Variants in DNMT3B observed in about 807,000 individuals in gnomAD.
The protein encoded by DNMT3B is DNA (cytosine-5)-methyltransferase 3B.
A neutral mutation model predicts 120.2 loss-of-function variants in DNMT3B; 37 were observed. The ratio of observed to expected loss-of-function variants is 0.31; its 90% CI spans 0.24 to 0.40. DNMT3B has a LOEUF of 0.40. Among genes scored for constraint, DNMT3B ranks in the 10% least tolerant of loss-of-function variants. The pLI, the probability that DNMT3B is intolerant of heterozygous loss-of-function variation, is 1.00. For missense variants in DNMT3B, 878 were observed against 1,137.3 expected (o/e 0.77, Z 3.28); for synonymous variants, 412 against 442.8 (o/e 0.93, Z 0.87).
intron 8 of DNMT3B, 117 bp downstream of exon 8, chr20:32,791,825 G>T: frequency 9.0e-7 from 1 of 1,105,586 alleles, no homozygotes. Flanking sequence ...GGTGGCCAGG[G>T]AGGAGGTAAA....
intron 19 of DNMT3B, among the ~76,000 whole-genome samples, chr20:32,801,901 T>C (rs1228917869): frequency 6.6e-6 from 1 of 152,168 alleles, no homozygotes; most frequent in African/African-American, 2.4e-5. Context: ...AGGAAAATAA[T>C]TGATCTCTAA....
intron 22 of DNMT3B, 103 bp downstream of exon 22, chr20:32,806,430 T>G: frequency 9.3e-7 from 1 of 1,071,782 alleles, no homozygotes; most frequent in Non-Finnish European, 1.4e-6. Context: ...TCACTGCCCT[T>G]TGGTGTTACT....
intron 1 of DNMT3B, among the ~76,000 whole-genome samples, chr20:32,769,887 C>A (rs1987615801): frequency 6.6e-6 from 1 of 152,024 alleles, no homozygotes; most frequent in South Asian, 2.1e-4. Flanking sequence ...AGTCTGGGTT[C>A]TTTTACTTAT....
In DNMT3B at chr20:32,807,922, C is replaced by G. The variant is rs1982146249; in HGVS notation, c.*19C>G. 1 of 1,613,980 alleles carries G rather than the reference C, an allele frequency of 6.2e-7. No individual in the cohort carries two copies. The highest frequency in any genetic ancestry group is 1.3e-5 in the African/African-American group (1 of 74,938). ...TGAATAGTTCCAGCCAGGCCCCAAGCCCACTGGGGTGTGTGGCAGAGCCAG... is the reference window on the plus strand; with the variant it reads ...TGAATAGTTCCAGCCAGGCCCCAAGGCCACTGGGGTGTGTGGCAGAGCCAG... On this transcript the variant is annotated 3_prime_UTR_variant, in exon 23 of 23. Coordinates refer to ENST00000328111, the MANE Select transcript of DNMT3B (RefSeq NM_006892.4).
At position 32,786,568 on chromosome 20, in the gene DNMT3B, C is replaced by T; in HGVS notation, c.373C>T (p.Arg125Ter). ...GCACAGGCCTTCCCCACGTTCCACC[C>T]GAGGCCGGCAGGGCCGCAACCATGT... is the stretch of plus-strand genomic sequence containing the variant. Reference protein sequence around the residue: ...ERHRPSPRSTRGRQGRNHVDE... With the variant: ...ERHRPSPRST The change falls in exon 5 of 23, where the codon CGA (arginine) becomes TGA (stop). Residue 125 changes from arginine (R) to a stop codon, truncating the protein, a stop_gained. Transcript: ENST00000328111. LOFTEE classifies it high-confidence loss of function. The T allele has an allele frequency of 1.2e-6, 2 of 1,614,000 alleles. No individual in the cohort carries two copies. Among genetic ancestry groups the T allele is most frequent in the Non-Finnish European group, 1.7e-6 (2 of 1,180,044 alleles).
intron 1 of DNMT3B, among the ~76,000 whole-genome samples, chr20:32,767,754 G>T (rs1380553539): frequency 6.6e-6 from 1 of 152,214 alleles, no homozygotes; most frequent in African/African-American, 2.4e-5. Flanking sequence ...CTTGTCCAGA[G>T]CCTCAGCCTG....
chr20:32,793,321 C>T (rs1980210101), intron 9 of DNMT3B, among the ~76,000 whole-genome samples: 1 of 152,068 alleles, frequency 6.6e-6, no homozygotes, highest in Admixed American at 6.6e-5. Context: ...GAAAAATTAG[C>T]CTGGTGTGCT....
chr20:32,793,428 A>G (rs1980222945), intron 9 of DNMT3B, 108 bp from the exon 10 acceptor site: 5 of 1,253,296 alleles, frequency 4.0e-6, no homozygotes, highest in Non-Finnish European at 5.7e-6. Context: ...AGATCGCACC[A>G]CTGCATTCAA....
intron 1 of DNMT3B, among the ~76,000 whole-genome samples, chr20:32,774,133 G>T (rs1476119542): frequency 6.6e-6 from 1 of 151,846 alleles, no homozygotes; most frequent in Admixed American, 6.6e-5. Flanking sequence ...CTGCTGCCTG[G>T]ATCCTTCCCG....
At chr20:32,798,894 G>A (rs975687867) in intron 15 of DNMT3B, among the ~76,000 whole-genome samples, 1 of 152,234 alleles carries the variant, frequency 6.6e-6, no homozygotes, top group Non-Finnish European at 1.5e-5. Context: ...ATGGTTGTAT[G>A]TAGCCTTCTG....
At chr20:32,804,437 T>C (rs149041132) in intron 20 of DNMT3B, among the ~76,000 whole-genome samples, 219 of 152,258 alleles carry the variant, frequency 1.4e-3, no homozygotes, top group African/African-American at 4.8e-3. Context: ...AGGGGAAATA[T>C]GTGTTGTGAT....
intron 1 of DNMT3B, among the ~76,000 whole-genome samples, chr20:32,776,476 G>A (rs1988077157): frequency 6.6e-6 from 1 of 152,142 alleles, no homozygotes; most frequent in African/African-American, 2.4e-5. Context: ...AGAGGTGGGG[G>A]AGATTTGTAT....
At chr20:32,773,047 G>A (rs972945732) in intron 1 of DNMT3B, among the ~76,000 whole-genome samples, 12 of 151,628 alleles carry the variant, frequency 7.9e-5, no homozygotes, top group African/African-American at 1.9e-4. Context: ...TTGAACTCCC[G>A]ACCTCATGTA....
Position 32,807,964 on chromosome 20 carries a change from T to C in DNMT3B, c.*61T>C, listed in dbSNP as rs1982151730. 2 of 1,613,024 alleles carry C rather than the reference T, an allele frequency of 1.2e-6. No individual in the cohort carries two copies. The highest frequency in any genetic ancestry group is 1.7e-6 in the Non-Finnish European group (2 of 1,179,428). ...CAGAGCCAGGACCCAGGAGGTGTGA[T>C]TCCTGAAGGCATCCCCAGGCCCTGC... On this transcript the variant is annotated 3_prime_UTR_variant, in exon 23 of 23. Transcript: ENST00000328111.
At chr20:32,791,138 T>C (rs966914694) in intron 7 of DNMT3B, among the ~76,000 whole-genome samples, 1 of 152,238 alleles carries the variant, frequency 6.6e-6, no homozygotes, top group Non-Finnish European at 1.5e-5. Context: ...AGCACTGTTT[T>C]CTAAACACAT....
rs1253952734 is a variant in DNMT3B, at chr20:32,808,044, G to C, written c.*141G>C. 2.1e-6 allele frequency: 3 copies of C among 1,428,952 alleles called. No homozygotes were observed. The East Asian group carries it at 7.3e-5, about 35-fold the overall frequency. The allele number at this position is 1,428,952 out of a possible 1,614,324, so 88.5% of individuals were successfully genotyped here. ...TACCTCAGTTCCCTCTTGCTCAGTG[G>C]GGGCAGAGCCACCTGACTCTTGCAG... On this transcript the variant is annotated 3_prime_UTR_variant, in exon 23 of 23. Coordinates refer to ENST00000328111, the MANE Select transcript of DNMT3B (RefSeq NM_006892.4).
chr20:32,802,786 G>GCC (rs992901858), intron 20 of DNMT3B, among the ~76,000 whole-genome samples: 2 of 152,176 alleles, frequency 1.3e-5, no homozygotes, highest in Non-Finnish European at 2.9e-5. Flanking sequence ...GATCGCTTGA[G>GCC]CCCAGGAGTT....
At chr20:32,804,661 T>C (rs893273668) in intron 20 of DNMT3B, among the ~76,000 whole-genome samples, 1 of 150,030 alleles carries the variant, frequency 6.7e-6, no homozygotes, top group African/African-American at 2.4e-5. Flanking sequence ...TTTTCAAGGG[T>C]GAAAGTTAAA....
In DNMT3B at chr20:32,800,938, C is replaced by T. The variant is rs1308949709; in HGVS notation, c.1996+13C>T. The T allele has an allele frequency of 1.2e-6, 2 of 1,614,058 alleles. No individual in the cohort carries two copies. The highest frequency in any genetic ancestry group is 1.7e-6 in the Non-Finnish European group (2 of 1,179,892). ...AAAGGCCTGTATGGTGAGCATCCTT[C>T]TCTCTGGCAGTCCCTGGAGAGCCTA... On this transcript the variant is annotated intron_variant, in intron 18 of 22. Coordinates refer to ENST00000328111, the MANE Select transcript of DNMT3B (RefSeq NM_006892.4).
Sources: allele counts gnomAD v4.1 joint callset (sites outside exome capture counted in the v4.1 genomes callset), GRCh38; gene constraint gnomAD v4.1.1; transcripts MANE v1.5; gene names NCBI Gene and HGNC (gene_info 2026-07-23, HGNC 2026-07-21).